Variants in HACE1 observed in about 807,000 individuals in gnomAD.
The protein encoded by HACE1 is HECT domain and ankyrin repeat containing E3 ubiquitin protein ligase 1.
HACE1 carries 73 observed loss-of-function variants against 118.4 expected under a neutral mutation model. The observed-to-expected ratio is 0.62, with a 90% confidence interval of 0.51 to 0.75. HACE1 has a LOEUF of 0.75. Ranked by LOEUF, HACE1 falls within the 30% of genes least tolerant of loss-of-function variation. The pLI, the probability that HACE1 is intolerant of heterozygous loss-of-function variation, is 0.00. For missense variants in HACE1, 749 were observed against 1,102.2 expected, an observed-to-expected ratio of 0.68 and a Z score of 4.54; for synonymous variants, 368 against 374.8, an observed-to-expected ratio of 0.98 and a Z score of 0.21.
intron 7 of HACE1, among the ~76,000 whole-genome samples, chr6:104,799,381 T>C (rs1317230947): frequency 6.6e-6 from 1 of 152,204 alleles, no homozygotes; most frequent in East Asian, 1.9e-4. Flanking sequence ...AGTTGGGTGA[T>C]TTCTCTACTT....
chr6:104,802,157 G>A (rs1770442278), intron 7 of HACE1, among the ~76,000 whole-genome samples: 1 of 151,682 alleles, frequency 6.6e-6, no homozygotes, highest in Admixed American at 6.6e-5. Context: ...AATGCAACAA[G>A]AAGAGCTAAC....
rs751781445 is a variant in HACE1, at chr6:104,771,409, A to C, written c.2015-20T>G. On this transcript the variant is annotated intron_variant, in intron 18 of 23. Transcript: ENST00000262903. ...GAATACCTAAAAAATGCAAACATACAGCAGTTATAGTCTGGTTTTGCCTTC... is the reference window on the plus strand; with the variant it reads ...GAATACCTAAAAAATGCAAACATACCGCAGTTATAGTCTGGTTTTGCCTTC... 1 of 1,525,146 alleles carries C rather than the reference A, an allele frequency of 6.6e-7. No homozygotes were observed. The highest frequency in any genetic ancestry group is 1.7e-5 in the Admixed American group (1 of 59,576). 94.5% of individuals were successfully genotyped at this position (1,525,146 alleles called of 1,614,324 possible). A position where few individuals can be genotyped will look rare whatever the true frequency, so the allele number is the denominator to read the frequency against.
chr6:104,771,761 G>T (rs981234892), intron 18 of HACE1, among the ~76,000 whole-genome samples, 164 bp downstream of exon 18: 2 of 148,240 alleles, frequency 1.3e-5, no homozygotes, highest in Admixed American at 6.7e-5. Flanking sequence ...AAAAAGGTAG[G>T]TCATTTTTTT....
chr6:104,859,494 G>T, intron 1 of HACE1, 73 bp downstream of exon 1: 1 of 1,124,712 alleles, frequency 8.9e-7, no homozygotes, highest in Non-Finnish European at 1.2e-6. Context: ...ACCCGACCTT[G>T]ACGCGGCCGG....
chr6:104,731,038 A>G (rs1775147240), intron 22 of HACE1: 1 of 157,194 alleles, frequency 6.4e-6, no homozygotes, highest in Admixed American at 6.1e-5. Context: ...GGCCACAGGA[A>G]GGCTAACATA....
chr6:104,779,003 A>C (rs1208205292), intron 14 of HACE1, among the ~76,000 whole-genome samples: 1 of 152,210 alleles, frequency 6.6e-6, no homozygotes, highest in Non-Finnish European at 1.5e-5. Context: ...AGGAGGAGAT[A>C]CTGGACAGTG....
At chr6:104,763,013 A>C (rs1382248466) in intron 19 of HACE1, among the ~76,000 whole-genome samples, 3 of 149,884 alleles carry the variant, frequency 2.0e-5, no homozygotes, top group African/African-American at 7.3e-5. Flanking sequence ...AAAAAAAAAG[A>C]ATCAGTCAAA....
chr6:104,806,462 T>TA (rs1249520328), intron 7 of HACE1, among the ~76,000 whole-genome samples: 1 of 151,976 alleles, frequency 6.6e-6, no homozygotes, highest in African/African-American at 2.4e-5. Flanking sequence ...ACCCTGTCTC[T>TA]AAAAACTAAT....
At chr6:104,771,159 A>G (rs751266052) in intron 19 of HACE1, 34 bp downstream of exon 19, 1 of 1,495,650 alleles carries the variant, frequency 6.7e-7, no homozygotes, top group Admixed American at 1.7e-5. Context: ...GCCAAGTTAC[A>G]AACAATGGTT....
intron 1 of HACE1, 138 bp downstream of exon 1, chr6:104,859,429 T>C: frequency 7.1e-6 from 5 of 706,932 alleles, no homozygotes; most frequent in Non-Finnish European, 9.0e-6. Flanking sequence ...CGGGGCCGCC[T>C]CTCAGCTCTG....
chr6:104,777,438 A>G, intron 14 of HACE1, 121 bp from the exon 15 acceptor site: 1 of 715,518 alleles, frequency 1.4e-6, no homozygotes, highest in South Asian at 1.5e-5. Flanking sequence ...ATTTACAATA[A>G]GGAGTTACTG....
intron 6 of HACE1, among the ~76,000 whole-genome samples, chr6:104,817,190 G>T (rs758536260): frequency 3.3e-5 from 5 of 152,162 alleles, no homozygotes; most frequent in African/African-American, 1.2e-4. Flanking sequence ...TCCAATACGA[G>T]AAGAACATGA....
intron 19 of HACE1, among the ~76,000 whole-genome samples, chr6:104,766,506 A>G (rs750960157): frequency 6.6e-6 from 1 of 152,322 alleles, no homozygotes; most frequent in East Asian, 1.9e-4. Context: ...TCAATAATCT[A>G]TGGATAAAAG....
At chr6:104,808,447 A>G (rs1771258014) in intron 7 of HACE1, among the ~76,000 whole-genome samples, 1 of 152,184 alleles carries the variant, frequency 6.6e-6, no homozygotes, top group Admixed American at 6.5e-5. Flanking sequence ...ACAAAGCTTC[A>G]GGGATCAAGA....
rs771198514 is a variant in HACE1 at position 104,784,953 on chromosome 6, A to AG, written c.1409+31_1409+32insC. The AG allele has an allele frequency of 2.8e-6, 3 of 1,076,850 alleles. No individual in the cohort carries two copies. In the Admixed American group the frequency reaches 7.7e-5, roughly 28 times the overall value. The allele number at this position is 1,076,850 out of a possible 1,614,324, so 66.7% of individuals were successfully genotyped here. A position where few individuals can be genotyped will look rare whatever the true frequency, so the allele number is the denominator to read the frequency against. On this transcript the variant is annotated intron_variant, in intron 12 of 23. Coordinates refer to ENST00000262903, the MANE Select transcript of HACE1 (RefSeq NM_020771.4). ...CACTGCTTTTCATCATCTATCAGAGAAAAAAAAAATAATAAGCCAAAACTT... is the reference window on the plus strand; with the variant it reads ...CACTGCTTTTCATCATCTATCAGAGAGAAAAAAAAATAATAAGCCAAAACTT...
At chr6:104,759,955 T>C (rs1331761619) in intron 19 of HACE1, among the ~76,000 whole-genome samples, 2 of 152,036 alleles carry the variant, frequency 1.3e-5, no homozygotes, top group African/African-American at 4.8e-5. Flanking sequence ...CCAGAAGAAA[T>C]GGATAAATTC....
intron 11 of HACE1, among the ~76,000 whole-genome samples, chr6:104,789,973 G>A (rs569352285): frequency 4.7e-4 from 71 of 151,830 alleles, no homozygotes; most frequent in African/African-American, 1.4e-3. Context: ...ACAGTAAGTC[G>A]TCACTCCTAA....
At position 104,831,947 on chromosome 6, in the gene HACE1, A is replaced by G. The variant is rs938558505; in HGVS notation, c.534+1095T>C. Reference sequence around the variant, plus strand: ...AGAGAAGAGAAGAGAAGAGAAGAGAAGAGAAGAGAAGAGAAGAGAAGAGAA... The same window carrying G: ...AGAGAAGAGAAGAGAAGAGAAGAGAGGAGAAGAGAAGAGAAGAGAAGAGAA... On this transcript the variant is annotated intron_variant, in intron 6 of 23. Transcript: ENST00000262903. 4.6e-3 allele frequency among the ~76,000 whole-genome samples: 473 copies of G among 103,250 alleles called. 1 individual carries two copies. The highest frequency in any genetic ancestry group is 0.016 in the African/African-American group (455 of 28,140). The allele number at this position is 103,250 out of a possible 152,430, so 67.7% of individuals were successfully genotyped here. A position where few individuals can be genotyped will look rare whatever the true frequency, so the allele number is the denominator to read the frequency against.
At chr6:104,740,851 CA>C (rs1294602150) in intron 22 of HACE1, among the ~76,000 whole-genome samples, 1 of 127,976 alleles carries the variant, frequency 7.8e-6, no homozygotes, top group Non-Finnish European at 1.6e-5. Flanking sequence ...GGCAGAGACA[CA>C]ACAAAAAAAG....
Sources: gnomAD v4.1 joint callset for allele counts (sites outside exome capture counted in the v4.1 genomes callset) on GRCh38, gnomAD v4.1.1 for gene constraint, MANE v1.5 for transcripts, NCBI Gene and HGNC (gene_info 2026-07-23, HGNC 2026-07-21) for gene names.